Variants in NPHP3 observed in about 807,000 individuals in gnomAD.
The protein encoded by NPHP3 is nephrocystin-3.
NPHP3 carries 123 observed loss-of-function variants against 171.9 expected under a neutral mutation model. The ratio of observed to expected loss-of-function variants is 0.72; its 90% CI spans 0.62 to 0.83. NPHP3 has a LOEUF of 0.83. Among genes scored for constraint, NPHP3 ranks in the 40% least tolerant of loss-of-function variants. NPHP3 has a pLI of 0.00. For synonymous variants in NPHP3, 558 were observed against 579.2 expected (o/e 0.96, Z 0.52); for missense variants, 1,506 against 1,591.9 (o/e 0.95, Z 0.92).
chr3:132,716,923 G>C lies in NPHP3; in HGVS notation c.671-14C>G. 1 of 1,612,918 alleles carries C rather than the reference G, an allele frequency of 6.2e-7. No individual in the cohort carries two copies. Among genetic ancestry groups the C allele is most frequent in the Middle Eastern group, 1.7e-4 (1 of 6,060 alleles). ...GGGTTCCAGCAGCTGTTCAGCAAGA[G>C]ATTTTTATCTTGTGAAAGCCAACTT... is the stretch of plus-strand genomic sequence containing the variant. On this transcript the variant is annotated splice_polypyrimidine_tract_variant and intron_variant, in intron 3 of 26. Transcript: ENST00000337331.
chr3:132,683,218 T>A (rs1939076025), intron 25 of NPHP3, among the ~76,000 whole-genome samples, 181 bp downstream of exon 25: 1 of 152,332 alleles, frequency 6.6e-6, no homozygotes, highest in Middle Eastern at 3.4e-3. Flanking sequence ...TGTTTTACAC[T>A]AAGAGGAAGG....
chr3:132,682,102 A>T lies in NPHP3; in HGVS notation c.3813-12T>A. On this transcript the variant is annotated splice_polypyrimidine_tract_variant and intron_variant, in intron 26 of 26. Coordinates refer to ENST00000337331, the MANE Select transcript of NPHP3 (RefSeq NM_153240.5). Reference sequence around the variant, plus strand: ...CTCCTCCTTCATAGCTTTGAGAGAGAAAACAAAAACTCTTAAAATGAGAAT... The same window carrying T: ...CTCCTCCTTCATAGCTTTGAGAGAGTAAACAAAAACTCTTAAAATGAGAAT... The T allele has an allele frequency of 6.2e-7, 1 of 1,610,422 alleles. No homozygotes were observed. The highest frequency in any genetic ancestry group is 8.5e-7 in the Non-Finnish European group (1 of 1,176,674).
In NPHP3 at chr3:132,722,203, C is replaced by T. The variant is rs1940252968; in HGVS notation, c.153G>A (p.Ala51=). ...LRNSFRRGAG[A]AAGAGPGSLP... ...GCGACCCGGGCCCGGCCCCTGCTGCCGCCCCCGCGCCTCGGCGGAACGAGT... is the reference window on the plus strand; with the variant it reads ...GCGACCCGGGCCCGGCCCCTGCTGCTGCCCCCGCGCCTCGGCGGAACGAGT... Residue 51 remains alanine (A), a synonymous_variant, in exon 1 of 27, where the codon GCG becomes GCA. Coordinates refer to ENST00000337331, the MANE Select transcript of NPHP3 (RefSeq NM_153240.5). 10 of 1,510,788 alleles carry T rather than the reference C, an allele frequency of 6.6e-6. No homozygotes were observed. The highest frequency in any genetic ancestry group is 8.8e-6 in the Non-Finnish European group (10 of 1,138,620). The allele number at this position is 1,510,788 out of a possible 1,614,324, so 93.6% of individuals were successfully genotyped here.
intron 9 of NPHP3, 98 bp downstream of exon 9, chr3:132,704,100 T>C: frequency 8.3e-7 from 1 of 1,211,990 alleles, no homozygotes; most frequent in East Asian, 2.3e-5. Context: ...ACAACTAATA[T>C]AATCATAAAC....
At position 132,715,021 on chromosome 3, in the gene NPHP3, A is replaced by G. The variant is rs191751437; in HGVS notation, c.957+64T>C. On this transcript the variant is annotated intron_variant, in intron 5 of 26. Transcript: ENST00000337331. ...TTTGGTTGAGATACAGTAGTATCAG[A>G]AACAGAATATAATATTAACTTATAT... 8.7e-6 allele frequency: 12 copies of G among 1,374,226 alleles called. No homozygotes were observed. The African/African-American group carries it at 1.3e-4, about 15-fold the overall frequency. 85.1% of individuals were successfully genotyped at this position (1,374,226 alleles called of 1,614,324 possible).
intron 26 of NPHP3, 151 bp from the exon 27 acceptor site, chr3:132,682,241 A>G (rs1014877589): frequency 2.9e-6 from 2 of 683,114 alleles, no homozygotes; most frequent in Non-Finnish European, 5.1e-6. Flanking sequence ...CAGTAAAACA[A>G]CACCCAAACT....
intron 9 of NPHP3, among the ~76,000 whole-genome samples, chr3:132,702,447 C>T (rs1346787359): frequency 1.3e-5 from 2 of 152,180 alleles, no homozygotes; most frequent in African/African-American, 4.8e-5. Context: ...CCCAAGTTTT[C>T]CCCAGAAACT....
chr3:132,711,785 G>C (rs886230322), intron 6 of NPHP3, among the ~76,000 whole-genome samples: 1 of 152,158 alleles, frequency 6.6e-6, no homozygotes, highest in African/African-American at 2.4e-5. Flanking sequence ...AAAGAAAAGG[G>C]AAGGGGTGGA....
intron 12 of NPHP3, 103 bp downstream of exon 12, chr3:132,699,815 C>G: frequency 1.6e-6 from 2 of 1,266,954 alleles, no homozygotes; most frequent in South Asian, 1.2e-5. Flanking sequence ...TAAAAAATAA[C>G]ATCATATTTT....
intron 7 of NPHP3, among the ~76,000 whole-genome samples, chr3:132,707,595 C>A (rs527653315): frequency 6.6e-6 from 1 of 152,138 alleles, no homozygotes; most frequent in Non-Finnish European, 1.5e-5. Context: ...CCACACACTG[C>A]GATTTATTTC....
chr3:132,682,831 A>C lies in NPHP3; in HGVS notation c.3697-13T>G, dbSNP rs1939067140. 1 of 1,500,716 alleles carries C rather than the reference A, an allele frequency of 6.7e-7. No individual in the cohort carries two copies. The highest frequency in any genetic ancestry group is 1.4e-5 in the African/African-American group (1 of 72,894). The allele number at this position is 1,500,716 out of a possible 1,614,324, so 93.0% of individuals were successfully genotyped here. ...CAACGTGTTTTTTCTTATTAAAAAA[A>C]ATGATAATGCTCATGCACACTGGGT... On this transcript the variant is annotated splice_polypyrimidine_tract_variant and intron_variant, in intron 25 of 26. Transcript: ENST00000337331.
rs772374824 is a variant in NPHP3 at position 132,688,737 on chromosome 3, T to C, written c.3038A>G (p.Glu1013Gly). 1 of 1,614,168 alleles carries C rather than the reference T, an allele frequency of 6.2e-7. No individual in the cohort carries two copies. Among genetic ancestry groups the C allele is most frequent in the Admixed American group, 1.7e-5 (1 of 60,022 alleles). Reference protein sequence around the residue: ...NAEQLYKQALEISENAYGADH... With the variant: ...NAEQLYKQALGISENAYGADH... ...CGCACCATAAGCATTTTCTGAGATTTCCAACGCCTGTTTATACAGTTGTTC... is the reference window on the plus strand; with the variant it reads ...CGCACCATAAGCATTTTCTGAGATTCCCAACGCCTGTTTATACAGTTGTTC... The change falls in exon 21 of 27, where the codon GAA becomes GGA. Residue 1013 changes from glutamate (E) to glycine (G), a missense_variant. Transcript: ENST00000337331.
rs567909671 is a variant in NPHP3, at chr3:132,716,740, C to T, written c.823+17G>A. 1.2e-6 allele frequency: 2 copies of T among 1,613,290 alleles called. No homozygotes were observed. The highest frequency in any genetic ancestry group is 1.7e-5 in the Admixed American group (1 of 60,024). On this transcript the variant is annotated intron_variant, in intron 4 of 26. Coordinates refer to ENST00000337331, the MANE Select transcript of NPHP3 (RefSeq NM_153240.5). ...TCACTACCACTAGGCAAGTAATTGA[C>T]AAACAGCATGTATTACCTCTATTAA...
intron 1 of NPHP3, among the ~76,000 whole-genome samples, chr3:132,720,922 A>ATT (rs71942158): frequency 2.0e-5 from 3 of 147,944 alleles, no homozygotes; most frequent in Non-Finnish European, 4.5e-5. Flanking sequence ...GCTTTATACT[A>ATT]TTTTTTTTTT....
At chr3:132,709,431 C>A (rs563292875) in intron 6 of NPHP3, among the ~76,000 whole-genome samples, 2 of 151,888 alleles carry the variant, frequency 1.3e-5, no homozygotes, top group Non-Finnish European at 2.9e-5. Context: ...CACAGGCACA[C>A]GCCACCACAC....
chr3:132,694,371 GTGTGTGTT>G (rs1939389390), intron 16 of NPHP3, among the ~76,000 whole-genome samples: 2 of 150,644 alleles, frequency 1.3e-5, no homozygotes, highest in Admixed American at 1.3e-4. Flanking sequence ...GTGTGTGTGT[GTGTGTGTT>G]TACACACACA....
chr3:132,712,388 A>G, intron 6 of NPHP3: 1 of 456,546 alleles, frequency 2.2e-6, no homozygotes. Flanking sequence ...AAGGCCAGAT[A>G]GTAAACAACT....
rs1168116322 is a variant in NPHP3 at position 132,691,311 on chromosome 3, G to A, written c.2476-25C>T. 2.0e-6 allele frequency: 3 copies of A among 1,507,336 alleles called. No individual in the cohort carries two copies. In the African/African-American group the frequency reaches 4.1e-5, roughly 21 times the overall value. The allele number at this position is 1,507,336 out of a possible 1,614,324, so 93.4% of individuals were successfully genotyped here. A position where few individuals can be genotyped will look rare whatever the true frequency, so the allele number is the denominator to read the frequency against. The stretch of plus-strand genomic sequence containing the variant: ...CCTAGGGAGAAAAAGAAGAAATACT[G>A]AGTTCTATTTCACGTAAGTCACTGT... On this transcript the variant is annotated intron_variant, in intron 17 of 26. Transcript: ENST00000337331.
In NPHP3 at chr3:132,722,244, C is replaced by A; in HGVS notation, c.112G>T (p.Ala38Ser). 1 of 1,568,042 alleles carries A rather than the reference C, an allele frequency of 6.4e-7. No individual in the cohort carries two copies. Among genetic ancestry groups the A allele is most frequent in the Non-Finnish European group, 8.6e-7 (1 of 1,166,832 alleles). The change falls in exon 1 of 27, where the codon GCC (alanine) becomes TCC (serine). Residue 38 changes from alanine (A) to serine (S), a missense_variant. This residue lies in a region of NPHP3 where 930 missense variants were observed against 924.9 expected (regional missense o/e 1.01). Transcript: ENST00000337331. ...CGGAACGAGTTGCGCAGCAGGCGGGCCTTGGGCTTCACCTCCACCGGGATC... is the reference window on the plus strand; with the variant it reads ...CGGAACGAGTTGCGCAGCAGGCGGGACTTGGGCTTCACCTCCACCGGGATC... ...CEIPVEVKPK[A>S]RLLRNSFRRG...
Sources: allele counts gnomAD v4.1 joint callset (sites outside exome capture counted in the v4.1 genomes callset), GRCh38; gene constraint gnomAD v4.1.1; regional missense constraint gnomAD v4.1.1; transcripts MANE v1.5; gene names NCBI Gene and HGNC (gene_info 2026-07-23, HGNC 2026-07-21).